Variants in SFMBT1 observed in about 807,000 individuals in gnomAD.
The protein encoded by SFMBT1 is scm-like with four MBT domains protein 1.
SFMBT1 carries 32 observed loss-of-function variants against 108.7 expected under a neutral mutation model. That is an observed-to-expected ratio of 0.29 (90% CI 0.22 to 0.40). SFMBT1 has a LOEUF of 0.40. Ranked by LOEUF, SFMBT1 falls within the 10% of genes least tolerant of loss-of-function variation. The pLI is 1.00. For missense variants in SFMBT1, 816 were observed against 1,059.6 expected, an observed-to-expected ratio of 0.77 and a Z score of 3.19; for synonymous variants, 348 against 369.5, an observed-to-expected ratio of 0.94 and a Z score of 0.67.
At position 52,932,151 on chromosome 3, in the gene SFMBT1, T is replaced by C. The variant is rs1702879122; in HGVS notation, c.611A>G (p.Asn204Ser). 12 of 1,614,156 alleles carry C rather than the reference T, an allele frequency of 7.4e-6. No homozygotes were observed. The highest frequency in any genetic ancestry group is 9.3e-6 in the Non-Finnish European group (11 of 1,180,030). ...CAAGTAATACAACCAATGTTCATAA[T>C]TGTCAGAACTTTCAAGTCCTTCATA... ...LRYEGLESSD[N>S]YEHWLYYLDP... is the part of the protein sequence containing the mutation. Residue 204 changes from asparagine (N) to serine (S), a missense_variant, in exon 6 of 21, where the codon AAT becomes AGT. Asn to Ser is a conservative substitution (Grantham distance 46, BLOSUM62 1). This residue lies in a region of SFMBT1 where 495 missense variants were observed against 607.4 expected (regional missense o/e 0.81). Transcript: ENST00000394752.
At chr3:53,010,215 A>T (rs2106926974) in intron 1 of SFMBT1, among the ~76,000 whole-genome samples, 1 of 152,368 alleles carries the variant, frequency 6.6e-6, no homozygotes, top group Non-Finnish European at 1.5e-5. Context: ...ATTCTCAACA[A>T]ACAAGCAAGT....
chr3:52,932,001 A>G (rs1702874407), intron 6 of SFMBT1, 61 bp downstream of exon 6: 2 of 1,548,008 alleles, frequency 1.3e-6, no homozygotes, highest in Middle Eastern at 1.7e-4. Flanking sequence ...TTTCAGCCTC[A>G]TAGATATTAA....
chr3:53,014,545 G>T (rs893701951), intron 1 of SFMBT1, among the ~76,000 whole-genome samples: 1 of 152,022 alleles, frequency 6.6e-6, no homozygotes, highest in Admixed American at 6.6e-5. Flanking sequence ...ACCACCCAAT[G>T]AATCAACTAA....
chr3:52,932,369 C>T, intron 5 of SFMBT1, 61 bp from the exon 6 acceptor site: 3 of 1,529,218 alleles, frequency 2.0e-6, no homozygotes, highest in Non-Finnish European at 2.6e-6. Context: ...TTTTGAAAAG[C>T]CAACTTATAA....
chr3:52,928,125 C>T, intron 9 of SFMBT1, 66 bp downstream of exon 9: 1 of 1,563,766 alleles, frequency 6.4e-7, no homozygotes. Flanking sequence ...TCAGCAATGC[C>T]ATCTGACATG....
At chr3:52,955,890 G>C (rs940649254) in intron 2 of SFMBT1, among the ~76,000 whole-genome samples, 4 of 152,242 alleles carry the variant, frequency 2.6e-5, no homozygotes, top group Non-Finnish European at 5.9e-5. Flanking sequence ...ACCTGTCAGA[G>C]AAACAACAAC....
intron 1 of SFMBT1, among the ~76,000 whole-genome samples, chr3:53,019,386 T>G (rs7611386): frequency 0.36 from 50,368 of 140,316 alleles, 8,883 homozygotes; most frequent in Middle Eastern, 0.46. Flanking sequence ...TGTGTGTGTG[T>G]GGGGGGGGTA....
At chr3:52,997,175 C>A (rs1698365438) in intron 1 of SFMBT1, among the ~76,000 whole-genome samples, 2 of 150,328 alleles carry the variant, frequency 1.3e-5, no homozygotes, top group South Asian at 4.2e-4. Flanking sequence ...AACAGCCACA[C>A]AAAGACTTTA....
chr3:53,025,530 C>T (rs1435253405), intron 1 of SFMBT1, among the ~76,000 whole-genome samples: 1 of 152,016 alleles, frequency 6.6e-6, no homozygotes, highest in Admixed American at 6.6e-5. Context: ...GGTGAGAGGT[C>T]ACTTGCGCCC....
intron 3 of SFMBT1, among the ~76,000 whole-genome samples, chr3:52,951,633 C>T (rs1042146198): frequency 2.0e-5 from 3 of 152,050 alleles, no homozygotes; most frequent in Non-Finnish European, 2.9e-5. Context: ...AGGCTGGTCT[C>T]GAACTTCTGA....
At chr3:53,035,499 T>C (rs186659270) in intron 1 of SFMBT1, among the ~76,000 whole-genome samples, 45 of 152,326 alleles carry the variant, frequency 3.0e-4, no homozygotes, top group African/African-American at 9.4e-4. Flanking sequence ...GCCTACTACA[T>C]TGATAAATGA....
chr3:52,921,201 T>C (rs1702510004), intron 11 of SFMBT1, among the ~76,000 whole-genome samples: 2 of 152,212 alleles, frequency 1.3e-5, no homozygotes, highest in Non-Finnish European at 2.9e-5. Context: ...AGTCTGACTA[T>C]TTGGCAGCAG....
chr3:53,008,445 T>C (rs886990150), intron 1 of SFMBT1, among the ~76,000 whole-genome samples: 12 of 152,164 alleles, frequency 7.9e-5, no homozygotes, highest in African/African-American at 2.4e-5. Flanking sequence ...TCTTAATACA[T>C]ACACACAAAT....
intron 4 of SFMBT1, 136 bp downstream of exon 4, chr3:52,943,217 T>C (rs1703243186): frequency 9.8e-7 from 1 of 1,017,712 alleles, no homozygotes; most frequent in African/African-American, 1.6e-5. Context: ...CTTATAAATA[T>C]TTTCACTCAA....
intron 13 of SFMBT1, among the ~76,000 whole-genome samples, chr3:52,918,104 C>T (rs547550882): frequency 1.3e-5 from 2 of 152,260 alleles, no homozygotes; most frequent in African/African-American, 4.8e-5. Context: ...TTTGAATGTG[C>T]CTTTTCTTTT....
At chr3:52,930,264 C>T (rs754313106) in intron 8 of SFMBT1, 65 bp downstream of exon 8, 1 of 971,314 alleles carries the variant, frequency 1.0e-6, no homozygotes, top group East Asian at 2.4e-5. Flanking sequence ...GATCAAAACA[C>T]TACCCATTTC....
At chr3:53,045,741 C>A in intron 1 of SFMBT1, 75 bp downstream of exon 1, 1 of 149,310 alleles carries the variant, frequency 6.7e-6, no homozygotes, top group South Asian at 2.0e-4. Context: ...GCCGTACGGT[C>A]CCCCGCCCCG....
chr3:53,000,300 A>G (rs1295761748), intron 1 of SFMBT1, among the ~76,000 whole-genome samples: 2 of 145,768 alleles, frequency 1.4e-5, no homozygotes, highest in African/African-American at 5.0e-5. Flanking sequence ...CTTTGAAAGC[A>G]TTAAAAAAAC....
rs1280810093 is a variant in SFMBT1 at position 52,932,226 on chromosome 3, G to A, written c.536C>T (p.Thr179Ile). Residue 179 changes from threonine to isoleucine, a missense_variant, in exon 6 of 21, where the codon ACT (threonine) becomes ATT (isoleucine). Thr to Ile is a moderately conservative substitution (Grantham distance 89, BLOSUM62 -1). This residue lies in a region of SFMBT1 where 495 missense variants were observed against 607.4 expected (regional missense o/e 0.81). Transcript: ENST00000394752. ...ECQAFQDSLSTWIVTVVENIG... is the reference protein window; with the variant it reads ...ECQAFQDSLSIWIVTVVENIG... ...GTTTTCTACTACAGTAACAATCCAA[G>A]TGCTTAAAGAGTCCTGGAAAGCTTG... is the stretch of plus-strand genomic sequence containing the variant. 2.5e-6 allele frequency: 4 copies of A among 1,614,174 alleles called. No homozygotes were observed. Among genetic ancestry groups the A allele is most frequent in the Admixed American group, 1.7e-5 (1 of 60,028 alleles).
Sources: gnomAD v4.1 joint callset for allele counts (sites outside exome capture counted in the v4.1 genomes callset) on GRCh38, gnomAD v4.1.1 for gene constraint, gnomAD v4.1.1 regional missense constraint, MANE v1.5 for transcripts, NCBI Gene and HGNC (gene_info 2026-07-23, HGNC 2026-07-21) for gene names.